Variants in SLC47A1 observed in about 807,000 individuals in gnomAD.
SLC47A1 encodes multidrug and toxin extrusion protein 1.
A neutral mutation model predicts 65.8 loss-of-function variants in SLC47A1; 58 were observed. That is an observed-to-expected ratio of 0.88 (90% CI 0.71 to 1.10). The LOEUF (loss-of-function observed/expected upper bound fraction) is 1.10, where lower values mean the gene tolerates loss of function less well. SLC47A1 is among the 50% of genes least tolerant of loss of function. The pLI, the probability that SLC47A1 is intolerant of heterozygous loss-of-function variation, is 0.00. For synonymous variants in SLC47A1, 285 were observed against 295.0 expected (o/e 0.97, Z 0.35); for missense variants, 706 against 719.2 (o/e 0.98, Z 0.21).
chr17:19,561,949 A>C (rs2084314701), intron 12 of SLC47A1, among the ~76,000 whole-genome samples: 1 of 152,228 alleles, frequency 6.6e-6, no homozygotes, highest in Non-Finnish European at 1.5e-5. Flanking sequence ...AAATCTCACC[A>C]GTGAGCTGTC....
intron 12 of SLC47A1, 150 bp from the exon 13 acceptor site, chr17:19,566,640 G>T (rs1323973935): frequency 4.7e-6 from 3 of 635,274 alleles, no homozygotes; most frequent in Non-Finnish European, 8.4e-6. Flanking sequence ...GGCCAGGCTG[G>T]TCTCAAACTC....
chr17:19,565,824 G>T (rs531202336), intron 12 of SLC47A1, among the ~76,000 whole-genome samples: 4 of 151,978 alleles, frequency 2.6e-5, no homozygotes, highest in African/African-American at 7.2e-5. Flanking sequence ...CTTGTGATCC[G>T]CCCGCCTCGG....
chr17:19,538,022 T>C (rs1916040268), intron 1 of SLC47A1, among the ~76,000 whole-genome samples: 1 of 152,248 alleles, frequency 6.6e-6, no homozygotes, highest in Non-Finnish European at 1.5e-5. Flanking sequence ...GTGTTATTTA[T>C]TGCGTTTTGA....
Position 19,567,147 on chromosome 17 carries a change from A to G in SLC47A1, c.1228A>G (p.Ile410Val), listed in dbSNP as rs1195480488. Reference sequence around the variant, plus strand: ...GAGTGGAAATCAGAAGGTTGGAGCCATTGTGAATACCATTGGGTACTATGT... The same window carrying G: ...GAGTGGAAATCAGAAGGTTGGAGCCGTTGTGAATACCATTGGGTACTATGT... Reference protein sequence around the residue: ...RGSGNQKVGAIVNTIGYYVVG... With the variant: ...RGSGNQKVGAVVNTIGYYVVG... The change falls in exon 14 of 17, where the codon ATT (isoleucine) becomes GTT (valine). Residue 410 changes from isoleucine (I) to valine (V), a missense_variant. Coordinates refer to ENST00000270570, the MANE Select transcript of SLC47A1 (RefSeq NM_018242.3). 4 of 1,614,212 alleles carry G rather than the reference A, an allele frequency of 2.5e-6. No individual in the cohort carries two copies. The highest frequency in any genetic ancestry group is 3.4e-6 in the Non-Finnish European group (4 of 1,180,032).
At chr17:19,562,589 T>A (rs1015282498) in intron 12 of SLC47A1, among the ~76,000 whole-genome samples, 5 of 150,962 alleles carry the variant, frequency 3.3e-5, no homozygotes, top group Non-Finnish European at 5.9e-5. Context: ...AGTTTATAAC[T>A]CCCTCACTCA....
In SLC47A1 at chr17:19,577,323, C is replaced by T; in HGVS notation, c.1487-4C>T. 1.2e-6 allele frequency: 2 copies of T among 1,611,976 alleles called. No homozygotes were observed. Among genetic ancestry groups the T allele is most frequent in the Non-Finnish European group, 1.7e-6 (2 of 1,179,342 alleles). Reference sequence around the variant, plus strand: ...TAAGCTGCTAAGTTCCTTTTTCCTCCCAGGGTGCCCTGAAAACCTTGAAGG... The same window carrying T: ...TAAGCTGCTAAGTTCCTTTTTCCTCTCAGGGTGCCCTGAAAACCTTGAAGG... On this transcript the variant is annotated splice_polypyrimidine_tract_variant and splice_region_variant and intron_variant, in intron 16 of 16. Coordinates refer to ENST00000270570, the MANE Select transcript of SLC47A1 (RefSeq NM_018242.3).
At position 19,565,976 on chromosome 17, in the gene SLC47A1, G is replaced by A. The variant is rs555702300; in HGVS notation, c.1107-814G>A. ...GTATTAGGAGGAAATCTCACGTCCC[G>A]CCTGGGACATGAAATCATCCCTTTG... On this transcript the variant is annotated intron_variant, in intron 12 of 16. Coordinates refer to ENST00000270570, the MANE Select transcript of SLC47A1 (RefSeq NM_018242.3). Among the ~76,000 whole-genome samples, 10 of 152,230 alleles carry A rather than the reference G, an allele frequency of 6.6e-5. No homozygotes were observed. In the South Asian group the frequency reaches 1.9e-3, roughly 28 times the overall value.
At position 19,555,305 on chromosome 17, in the gene SLC47A1, G is replaced by A. The variant is rs1253401411; in HGVS notation, c.637G>A (p.Val213Met). The change falls in exon 7 of 17, where the codon GTG (valine) becomes ATG (methionine). Residue 213 changes from valine to methionine, a missense_variant. Transcript: ENST00000270570. ...GTTTCTCCATCAACTGCATCTTGGGGTGATGTGAGTCCAACATACTCTTGG... is the reference window on the plus strand; with the variant it reads ...GTTTCTCCATCAACTGCATCTTGGGATGATGTGAGTCCAACATACTCTTGG... ...YLFLHQLHLG[V>M]IGSALANLIS... is the part of the protein sequence containing the mutation. 2 of 1,614,152 alleles carry A rather than the reference G, an allele frequency of 1.2e-6. No homozygotes were observed. Among genetic ancestry groups the A allele is most frequent in the African/African-American group, 1.3e-5 (1 of 75,052 alleles).
intron 16 of SLC47A1, among the ~76,000 whole-genome samples, chr17:19,573,163 CATTT>C (rs1320490725): frequency 2.0e-5 from 3 of 152,186 alleles, no homozygotes; most frequent in Non-Finnish European, 2.9e-5. Context: ...TAGAAACTGA[CATTT>C]GTTTGTTTTA....
intron 4 of SLC47A1, among the ~76,000 whole-genome samples, chr17:19,549,185 C>A (rs1344264036): frequency 6.6e-6 from 1 of 151,974 alleles, no homozygotes; most frequent in Admixed American, 6.6e-5. Flanking sequence ...TGTAAATTTT[C>A]ACATTTGCTC....
At chr17:19,558,693 C>T (rs932115077) in intron 10 of SLC47A1, among the ~76,000 whole-genome samples, 2 of 152,130 alleles carry the variant, frequency 1.3e-5, no homozygotes, top group Non-Finnish European at 2.9e-5. Context: ...AATCATTCCA[C>T]CTTGGCCTTC....
chr17:19,538,793 T>G (rs1030932725), intron 1 of SLC47A1, among the ~76,000 whole-genome samples: 1 of 152,178 alleles, frequency 6.6e-6, no homozygotes, highest in Non-Finnish European at 1.5e-5. Context: ...AGAGGCTGTC[T>G]GGAGGTGCCT....
chr17:19,539,659 T>G (rs554664228), intron 1 of SLC47A1, among the ~76,000 whole-genome samples: 5 of 152,274 alleles, frequency 3.3e-5, no homozygotes, highest in African/African-American at 1.2e-4. Flanking sequence ...TAATTTTTTG[T>G]ATTTTTAGTA....
intron 2 of SLC47A1, among the ~76,000 whole-genome samples, chr17:19,544,826 A>G (rs1239277952): frequency 1.3e-5 from 2 of 152,222 alleles, no homozygotes; most frequent in South Asian, 2.1e-4. Context: ...CCTCTAGCCT[A>G]GGCTTTTCCC....
intron 15 of SLC47A1, among the ~76,000 whole-genome samples, chr17:19,572,244 G>A (rs1345974022): frequency 6.6e-6 from 1 of 152,094 alleles, no homozygotes; most frequent in African/African-American, 2.4e-5. Flanking sequence ...CCCTCACCCT[G>A]TACTGTTCCC....
intron 10 of SLC47A1, among the ~76,000 whole-genome samples, chr17:19,558,967 A>C (rs1036106919): frequency 2.6e-5 from 4 of 152,160 alleles, no homozygotes; most frequent in African/African-American, 9.7e-5. Context: ...TCCTAAGGCA[A>C]TGTTCATGTT....
Position 19,534,029 on chromosome 17 carries a change from C to T in SLC47A1, c.90C>T (p.Ala30=), listed in dbSNP as rs1220273399. The T allele has an allele frequency of 1.3e-6, 2 of 1,547,962 alleles. No individual in the cohort carries two copies. The highest frequency in any genetic ancestry group is 1.2e-5 in the South Asian group (1 of 82,864). Residue 30 remains alanine, a synonymous_variant, in exon 1 of 17, where the codon GCC becomes GCT. Coordinates refer to ENST00000270570, the MANE Select transcript of SLC47A1 (RefSeq NM_018242.3). ...GGTCGCGCTGCTTGCGGCTGTCCGCCTTCCGAGAAGAGCTGCGGGCGCTCT... is the reference window on the plus strand; with the variant it reads ...GGTCGCGCTGCTTGCGGCTGTCCGCTTTCCGAGAAGAGCTGCGGGCGCTCT... ...VRGSRCLRLS[A]FREELRALLV...
intron 6 of SLC47A1, among the ~76,000 whole-genome samples, chr17:19,554,168 G>C (rs1251976346): frequency 6.6e-6 from 1 of 152,202 alleles, no homozygotes; most frequent in Non-Finnish European, 1.5e-5. Flanking sequence ...TTGAAGAAGG[G>C]TGGGGTTCAG....
At chr17:19,563,277 C>T (rs1031652042) in intron 12 of SLC47A1, among the ~76,000 whole-genome samples, 31 of 151,646 alleles carry the variant, frequency 2.0e-4, no homozygotes, top group Non-Finnish European at 3.2e-4. Context: ...GGACTACAGG[C>T]GCCCGCCACC....
Sources: gnomAD v4.1 joint callset for allele counts (sites outside exome capture counted in the v4.1 genomes callset) on GRCh38, gnomAD v4.1.1 for gene constraint, MANE v1.5 for transcripts, NCBI Gene and HGNC (gene_info 2026-07-23, HGNC 2026-07-21) for gene names.